COG3: variants seen among roughly 807,000 people sequenced by gnomAD.
COG3 encodes the protein component of oligomeric golgi complex 3.
A neutral mutation model predicts 114.1 loss-of-function variants in COG3; 32 were observed. That is an observed-to-expected ratio of 0.28 (90% CI 0.21 to 0.38). The LOEUF (loss-of-function observed/expected upper bound fraction) is 0.38, where lower values mean the gene tolerates loss of function less well. Ranked by LOEUF, COG3 falls within the 10% of genes least tolerant of loss-of-function variation. The pLI is 1.00. For synonymous variants in COG3, 352 were observed against 365.7 expected, an observed-to-expected ratio of 0.96 and a Z score of 0.43; for missense variants, 813 against 973.2, an observed-to-expected ratio of 0.84 and a Z score of 2.19.
chr13:45,527,670 A>G (rs918590624), intron 20 of COG3, among the ~76,000 whole-genome samples: 2 of 152,130 alleles, frequency 1.3e-5, no homozygotes, highest in Non-Finnish European at 2.9e-5. Context: ...TTGTTAATTT[A>G]CTCTGACGAA....
chr13:45,472,127 G>A (rs1211731530), intron 1 of COG3, among the ~76,000 whole-genome samples: 1 of 149,672 alleles, frequency 6.7e-6, no homozygotes, highest in African/African-American at 2.5e-5. Context: ...TTTTCTTTTG[G>A]CACTTTAAAG....
intron 1 of COG3, among the ~76,000 whole-genome samples, chr13:45,470,024 A>C (rs1885375366): frequency 6.6e-6 from 1 of 152,176 alleles, no homozygotes; most frequent in African/African-American, 2.4e-5. Context: ...CTTGCTTTTC[A>C]CTTAAATATT....
chr13:45,498,647 T>C (rs935331506), intron 13 of COG3, among the ~76,000 whole-genome samples: 1 of 151,976 alleles, frequency 6.6e-6, no homozygotes, highest in African/African-American at 2.4e-5. Flanking sequence ...TTTTTTGTTT[T>C]GTTTTGTTTT....
intron 15 of COG3, among the ~76,000 whole-genome samples, chr13:45,511,299 G>A (rs1870835016): frequency 6.6e-6 from 1 of 151,924 alleles, no homozygotes; most frequent in Admixed American, 6.6e-5. Context: ...GTTATTTCCA[G>A]TTTATGGCTG....
intron 22 of COG3, 194 bp from the exon 23 acceptor site, chr13:45,534,508 T>TC (rs113877830): frequency 4.7e-3 from 1,786 of 377,214 alleles, no homozygotes; most frequent in Middle Eastern, 8.6e-3. Context: ...TTTTTTTTTT[T>TC]CCATTCTAAT....
chr13:45,514,157 CTTTTT>C (rs57033822), intron 16 of COG3, among the ~76,000 whole-genome samples: 11 of 93,854 alleles, frequency 1.2e-4, no homozygotes, highest in Non-Finnish European at 2.0e-4. Context: ...TGTCCTCTCT[CTTTTT>C]TTTTTTTTTT....
intron 13 of COG3, 111 bp from the exon 14 acceptor site, chr13:45,503,133 T>A (rs1225159987): frequency 4.2e-6 from 2 of 475,886 alleles, no homozygotes; most frequent in East Asian, 6.5e-5. Flanking sequence ...ATCTGAATAG[T>A]TTCCAAATGT....
chr13:45,535,982 T>A lies in COG3; in HGVS notation c.*1251T>A. On this transcript the variant is annotated 3_prime_UTR_variant, in exon 23 of 23. Coordinates refer to ENST00000349995, the MANE Select transcript of COG3 (RefSeq NM_031431.4). Reference sequence around the variant, plus strand: ...TTTTGGTGCAGTGGGTGCCTGTAACTCATTAGACGTACTGAGGCAGCACTT... The same window carrying A: ...TTTTGGTGCAGTGGGTGCCTGTAACACATTAGACGTACTGAGGCAGCACTT... 2.1e-6 allele frequency: 1 copy of A among 485,804 alleles called. No homozygotes were observed. Among genetic ancestry groups the A allele is most frequent in the Non-Finnish European group, 2.7e-6 (1 of 371,752 alleles). The allele number at this position is 485,804 out of a possible 1,614,324, so 30.1% of individuals were successfully genotyped here.
chr13:45,491,636 T>C, intron 10 of COG3, 98 bp downstream of exon 10: 1 of 1,115,906 alleles, frequency 9.0e-7, no homozygotes, highest in South Asian at 2.3e-5. Flanking sequence ...TTGGGGCCCA[T>C]AGTTAACTGA....
chr13:45,521,577 G>GCACACACACACACACACACA (rs3084002), intron 19 of COG3, among the ~76,000 whole-genome samples: 2 of 148,378 alleles, frequency 1.3e-5, no homozygotes, highest in African/African-American at 4.9e-5. Flanking sequence ...ATACATACGT[G>GCACACACACACACACACACA]CACACACACA....
intron 8 of COG3, among the ~76,000 whole-genome samples, chr13:45,488,780 A>C (rs767203387): frequency 3.3e-5 from 5 of 152,148 alleles, no homozygotes; most frequent in Non-Finnish European, 5.9e-5. Flanking sequence ...TCTGAGATAC[A>C]TTTAATTGAA....
chr13:45,497,093 G>A (rs1326248282), intron 13 of COG3, among the ~76,000 whole-genome samples: 1 of 152,194 alleles, frequency 6.6e-6, no homozygotes, highest in Non-Finnish European at 1.5e-5. Flanking sequence ...AATAGAAGAA[G>A]GTTGATAATG....
intron 1 of COG3, among the ~76,000 whole-genome samples, chr13:45,474,083 T>A (rs1050150845): frequency 3.9e-5 from 6 of 151,992 alleles, no homozygotes; most frequent in Non-Finnish European, 5.9e-5. Context: ...CCTTCCTAAA[T>A]ACTTTGTCTG....
Position 45,481,224 on chromosome 13 carries a change from T to C in COG3, c.550-6T>C, listed in dbSNP as rs1296792060. On this transcript the variant is annotated splice_polypyrimidine_tract_variant and splice_region_variant and intron_variant, in intron 4 of 22. Coordinates refer to ENST00000349995, the MANE Select transcript of COG3 (RefSeq NM_031431.4). ...TAATTGATTTTTCTCTTTTAAAAAA[T>C]GCAAGTCGGAACTTGTTGATCTGGC... is the stretch of plus-strand genomic sequence containing the variant. 4 of 1,551,834 alleles carry C rather than the reference T, an allele frequency of 2.6e-6. No homozygotes were observed. The highest frequency in any genetic ancestry group is 1.7e-5 in the Admixed American group (1 of 57,992).
intron 13 of COG3, among the ~76,000 whole-genome samples, chr13:45,502,227 C>T (rs769368256): frequency 6.6e-6 from 1 of 152,100 alleles, no homozygotes; most frequent in African/African-American, 2.4e-5. Flanking sequence ...CTTTTCCTCC[C>T]GTCCTGGCCT....
At chr13:45,489,205 AAAAAAAAGAGC>A (rs1886860342) in intron 8 of COG3, among the ~76,000 whole-genome samples, 1 of 133,704 alleles carries the variant, frequency 7.5e-6, no homozygotes, top group East Asian at 2.4e-4. Context: ...AAAAAAAAAA[AAAAAAAAGAGC>A]CAGCCAGTTG....
chr13:45,470,576 A>G (rs1246177313), intron 1 of COG3, among the ~76,000 whole-genome samples: 1 of 152,242 alleles, frequency 6.6e-6, no homozygotes, highest in Non-Finnish European at 1.5e-5. Flanking sequence ...ACTTGCAGTA[A>G]TGAGAAATAC....
chr13:45,524,949 T>G, intron 19 of COG3, 27 bp from the exon 20 acceptor site: 1 of 1,597,140 alleles, frequency 6.3e-7, no homozygotes, highest in Non-Finnish European at 8.6e-7. Context: ...GAAATGAAAC[T>G]TTTTTTCTTT....
chr13:45,492,080 A>G (rs1887054077), intron 10 of COG3, 79 bp from the exon 11 acceptor site: 2 of 848,900 alleles, frequency 2.4e-6, no homozygotes, highest in South Asian at 3.4e-5. Context: ...CTCTGCACAT[A>G]AAGTGTAGGC....
Sources: allele counts gnomAD v4.1 joint callset (sites outside exome capture counted in the v4.1 genomes callset), GRCh38; gene constraint gnomAD v4.1.1; transcripts MANE v1.5; gene names NCBI Gene and HGNC (gene_info 2026-07-23, HGNC 2026-07-21).